SLC35F3: variants seen among roughly 807,000 people sequenced by gnomAD.
SLC35F3 encodes the protein solute carrier family 35 member F3, also known as putative thiamine transporter SLC35F3.
SLC35F3 carries 25 observed loss-of-function variants against 49.9 expected under a neutral mutation model. The ratio of observed to expected loss-of-function variants is 0.50; its 90% CI spans 0.37 to 0.70. The LOEUF is 0.70. Ranked by LOEUF, SLC35F3 falls within the 30% of genes least tolerant of loss-of-function variation. The pLI is 0.00. For missense variants in SLC35F3, 525 were observed against 639.8 expected, an observed-to-expected ratio of 0.82 and a Z score of 1.94; for synonymous variants, 275 against 265.4, an observed-to-expected ratio of 1.04 and a Z score of -0.35.
At position 234,182,292 on chromosome 1, in the gene SLC35F3, T is replaced by C. The variant is rs188771950; in HGVS notation, c.284-49125T>C. ...TTGACCTGACTCTTTGAGAGCTAGA[T>C]TGATTGATTGATTGATTGATCTCTT... is the stretch of plus-strand genomic sequence containing the variant. On this transcript the variant is annotated intron_variant, in intron 2 of 7. Transcript: ENST00000366618. Among the ~76,000 whole-genome samples, 7 of 150,478 alleles carry C rather than the reference T, an allele frequency of 4.7e-5. No homozygotes were observed. The East Asian group carries it at 1.2e-3, about 26-fold the overall frequency.
intron 2 of SLC35F3, among the ~76,000 whole-genome samples, chr1:233,970,007 C>T (rs775049972): frequency 5.3e-5 from 8 of 152,228 alleles, no homozygotes; most frequent in Non-Finnish European, 8.8e-5. Context: ...CATCGGATGC[C>T]CTCTGTCTAA....
intron 2 of SLC35F3, among the ~76,000 whole-genome samples, chr1:234,228,947 T>C (rs751732948): frequency 6.6e-6 from 1 of 152,172 alleles, no homozygotes; most frequent in Non-Finnish European, 1.5e-5. Context: ...GGTAATGAAA[T>C]TGATGAGTGA....
In SLC35F3 at chr1:234,097,553, C is replaced by T. The variant is rs373020291; in HGVS notation, c.284-133864C>T. On this transcript the variant is annotated intron_variant, in intron 2 of 7. Transcript: ENST00000366618. ...CTACACACACATACACGCACACACA[C>T]GCACACACGCACATTATTTGTTTTT... is the stretch of plus-strand genomic sequence containing the variant. Among the ~76,000 whole-genome samples, 28 of 150,616 alleles carry T rather than the reference C, an allele frequency of 1.9e-4. No homozygotes were observed. The South Asian group carries it at 2.5e-3, about 13-fold the overall frequency.
intron 2 of SLC35F3, among the ~76,000 whole-genome samples, chr1:234,127,894 T>C (rs1665673435): frequency 6.6e-6 from 1 of 152,168 alleles, no homozygotes; most frequent in Non-Finnish European, 1.5e-5. Flanking sequence ...TATATGAACA[T>C]ATGCACATGA....
intron 3 of SLC35F3, among the ~76,000 whole-genome samples, chr1:234,251,260 G>T (rs1558273989): frequency 6.6e-6 from 1 of 152,100 alleles, no homozygotes; most frequent in East Asian, 1.9e-4. Flanking sequence ...AGACTGCTTA[G>T]TGAGTGAAGG....
chr1:234,277,798 G>GT (rs565537579), intron 3 of SLC35F3, among the ~76,000 whole-genome samples: 2 of 152,172 alleles, frequency 1.3e-5, no homozygotes, highest in Non-Finnish European at 1.5e-5. Flanking sequence ...TTTTATATTT[G>GT]TTTTCTGGAA....
At chr1:234,133,404 A>G (rs1665762434) in intron 2 of SLC35F3, among the ~76,000 whole-genome samples, 1 of 152,174 alleles carries the variant, frequency 6.6e-6, no homozygotes, top group East Asian at 1.9e-4. Flanking sequence ...GATTATCCAC[A>G]CTACATGGAA....
intron 2 of SLC35F3, among the ~76,000 whole-genome samples, chr1:233,914,353 G>C (rs1661933733): frequency 6.6e-6 from 1 of 152,198 alleles, no homozygotes. Context: ...AAGTAACCCA[G>C]AGAGAGCAGT....
At chr1:233,930,473 G>A (rs543135603) in intron 2 of SLC35F3, among the ~76,000 whole-genome samples, 3 of 152,240 alleles carry the variant, frequency 2.0e-5, no homozygotes, top group South Asian at 2.1e-4. Context: ...TTATTCATAC[G>A]ACCCTTATAT....
At chr1:233,944,305 CT>C (rs200383670) in intron 2 of SLC35F3, among the ~76,000 whole-genome samples, 2 of 152,064 alleles carry the variant, frequency 1.3e-5, no homozygotes, top group East Asian at 1.9e-4. Context: ...GTTTTAAAGC[CT>C]TCTCAGTTGA....
chr1:234,030,587 C>T (rs1196001058), intron 2 of SLC35F3, among the ~76,000 whole-genome samples: 1 of 152,166 alleles, frequency 6.6e-6, no homozygotes, highest in Non-Finnish European at 1.5e-5. Flanking sequence ...GCTCATTCAT[C>T]CATTGTACGG....
At chr1:234,225,099 G>T (rs1428230000) in intron 2 of SLC35F3, among the ~76,000 whole-genome samples, 2 of 152,232 alleles carry the variant, frequency 1.3e-5, no homozygotes, top group Non-Finnish European at 2.9e-5. Flanking sequence ...AGTGGGTTGG[G>T]ACACGTGAAG....
chr1:234,140,884 T>A (rs1324885083), intron 2 of SLC35F3, among the ~76,000 whole-genome samples: 1 of 152,124 alleles, frequency 6.6e-6, no homozygotes, highest in Admixed American at 6.5e-5. Flanking sequence ...TGCCAAGGAG[T>A]CACCATTCTC....
chr1:234,106,345 TTCTG>T, intron 2 of SLC35F3, among the ~76,000 whole-genome samples: 1 of 152,344 alleles, frequency 6.6e-6, no homozygotes, highest in Non-Finnish European at 1.5e-5. Context: ...TCCTTTACCC[TTCTG>T]TCTTAGTCTG....
intron 2 of SLC35F3, among the ~76,000 whole-genome samples, chr1:234,084,525 A>G (rs1036817716): frequency 6.6e-6 from 1 of 152,204 alleles, no homozygotes; most frequent in South Asian, 2.1e-4. Flanking sequence ...ATATATATGC[A>G]TATATTTTAA....
chr1:234,094,543 G>A (rs974862154), intron 2 of SLC35F3, among the ~76,000 whole-genome samples: 1 of 152,176 alleles, frequency 6.6e-6, no homozygotes, highest in African/African-American at 2.4e-5. Context: ...TTAGTTAGTG[G>A]TGTCCATGGA....
chr1:234,191,581 G>T (rs958990036), intron 2 of SLC35F3, among the ~76,000 whole-genome samples: 2 of 151,528 alleles, frequency 1.3e-5, no homozygotes, highest in African/African-American at 4.9e-5. Context: ...AGCAGAAGAA[G>T]AGAAATAACC....
At chr1:234,169,160 C>G (rs534015969) in intron 2 of SLC35F3, among the ~76,000 whole-genome samples, 2 of 152,190 alleles carry the variant, frequency 1.3e-5, no homozygotes, top group Non-Finnish European at 2.9e-5. Flanking sequence ...CTTCCTCTGC[C>G]CTTTTCTTCT....
At chr1:234,260,354 A>G (rs191056346) in intron 3 of SLC35F3, among the ~76,000 whole-genome samples, 1 of 152,344 alleles carries the variant, frequency 6.6e-6, no homozygotes, top group East Asian at 1.9e-4. Context: ...TCACTTAAAA[A>G]AAAGAGAAAA....
Sources: allele counts gnomAD v4.1 joint callset (sites outside exome capture counted in the v4.1 genomes callset), GRCh38; gene constraint gnomAD v4.1.1; transcripts MANE v1.5; gene names NCBI Gene and HGNC (gene_info 2026-07-23, HGNC 2026-07-21).